The following PLCH1 variants were observed in gnomAD, a reference collection of about 807,000 sequenced individuals.
PLCH1 encodes the protein 1-phosphatidylinositol 4,5-bisphosphate phosphodiesterase eta-1.
Under a neutral mutation model 126.7 loss-of-function variants are expected in PLCH1, and 60 were observed. The ratio of observed to expected loss-of-function variants is 0.47; its 90% CI spans 0.38 to 0.59. The LOEUF (loss-of-function observed/expected upper bound fraction) is 0.59, where lower values mean the gene tolerates loss of function less well. PLCH1 is among the 20% of genes least tolerant of loss of function. PLCH1 has a pLI of 0.00. For synonymous variants in PLCH1, 719 were observed against 734.9 expected (o/e 0.98, Z 0.35); for missense variants, 1,723 against 2,040.0 (o/e 0.84, Z 2.99).
intron 2 of PLCH1, among the ~76,000 whole-genome samples, chr3:155,629,055 G>C (rs566774990): frequency 4.3e-4 from 66 of 152,284 alleles, no homozygotes; most frequent in Non-Finnish European, 8.1e-4. Flanking sequence ...TACTTACTTA[G>C]TTAACTCTGA....
intron 2 of PLCH1, among the ~76,000 whole-genome samples, chr3:155,619,382 T>C (rs1736178402): frequency 6.6e-6 from 1 of 151,708 alleles, no homozygotes; most frequent in African/African-American, 2.4e-5. Context: ...AGGGAGTGCC[T>C]ATTCCATACT....
At chr3:155,739,738 G>C (rs560546447) in intron 1 of PLCH1, among the ~76,000 whole-genome samples, 1 of 152,228 alleles carries the variant, frequency 6.6e-6, no homozygotes, top group African/African-American at 2.4e-5. Flanking sequence ...CAAATTCCAA[G>C]TCTGTTCCAC....
At chr3:155,545,639 A>G (rs1187733596) in intron 10 of PLCH1, among the ~76,000 whole-genome samples, 2 of 152,372 alleles carry the variant, frequency 1.3e-5, no homozygotes, top group South Asian at 2.1e-4. Flanking sequence ...AAAATTCTCA[A>G]TAAAATACTG....
intron 2 of PLCH1, chr3:155,676,352 T>C: frequency 9.4e-7 from 1 of 1,063,840 alleles, no homozygotes; most frequent in Non-Finnish European, 1.1e-6. Context: ...ATGCAGGCGC[T>C]GTGGCTACTT....
chr3:155,529,225 G>C (rs528857210), intron 10 of PLCH1, among the ~76,000 whole-genome samples: 1 of 152,282 alleles, frequency 6.6e-6, no homozygotes, highest in South Asian at 2.1e-4. Context: ...AATATTGCTA[G>C]AGACTGGACT....
chr3:155,571,921 A>G (rs942150198), intron 6 of PLCH1, among the ~76,000 whole-genome samples: 2 of 152,226 alleles, frequency 1.3e-5, no homozygotes, highest in African/African-American at 4.8e-5. Context: ...AATGTTGAAC[A>G]ATGCTGAATC....
chr3:155,563,933 C>G (rs1461912656), intron 8 of PLCH1, among the ~76,000 whole-genome samples: 1 of 152,022 alleles, frequency 6.6e-6, no homozygotes, highest in African/African-American at 2.4e-5. Context: ...GTTTCTCTCT[C>G]TCTGTCTCTC....
intron 2 of PLCH1, among the ~76,000 whole-genome samples, chr3:155,698,955 G>T (rs1028663258): frequency 6.7e-5 from 10 of 148,686 alleles, no homozygotes; most frequent in Non-Finnish European, 8.9e-5. Context: ...TTAAATGAAT[G>T]AAATATATTT....
intron 2 of PLCH1, among the ~76,000 whole-genome samples, chr3:155,669,477 CTAAGG>C (rs1440674686): frequency 5.3e-5 from 8 of 152,108 alleles, no homozygotes; most frequent in Admixed American, 2.0e-4. Context: ...ACTCGAGAGG[CTAAGG>C]TGAGAGGTTC....
intron 18 of PLCH1, among the ~76,000 whole-genome samples, chr3:155,491,096 C>A (rs139276625): frequency 6.6e-6 from 1 of 152,214 alleles, no homozygotes; most frequent in East Asian, 1.9e-4. Flanking sequence ...ACAACTTTAC[C>A]CACTGAACCT....
rs577525330 is a variant in PLCH1 at position 155,666,119 on chromosome 3, A to G, written c.79+38027T>C. On this transcript the variant is annotated intron_variant, in intron 2 of 22. Coordinates refer to ENST00000460012, the MANE Select transcript of PLCH1 (RefSeq NM_014996.4). ...GCTATTACAAAAATTATTGCAATAAACTTACTTATACATTTATCTTCGTGC... is the reference window on the plus strand; with the variant it reads ...GCTATTACAAAAATTATTGCAATAAGCTTACTTATACATTTATCTTCGTGC... Among the ~76,000 whole-genome samples the G allele has an allele frequency of 2.0e-5, 3 of 152,312 alleles. No individual in the cohort carries two copies. The South Asian group carries it at 6.2e-4, about 32-fold the overall frequency.
chr3:155,503,654 T>G (rs1214010424), intron 13 of PLCH1, among the ~76,000 whole-genome samples: 1 of 151,940 alleles, frequency 6.6e-6, no homozygotes, highest in Non-Finnish European at 1.5e-5. Flanking sequence ...TCTCATGCCT[T>G]AGCCTCCTGA....
At chr3:155,518,433 A>G (rs1720641184) in intron 11 of PLCH1, among the ~76,000 whole-genome samples, 1 of 152,148 alleles carries the variant, frequency 6.6e-6, no homozygotes, top group African/African-American at 2.4e-5. Context: ...TGAACCTCCT[A>G]AGACTTCCCA....
At chr3:155,710,012 C>A (rs929703558) in intron 1 of PLCH1, among the ~76,000 whole-genome samples, 2 of 152,100 alleles carry the variant, frequency 1.3e-5, no homozygotes, top group African/African-American at 4.8e-5. Flanking sequence ...TTTTGAGACG[C>A]AGTCTCACTC....
At chr3:155,647,513 G>A (rs1169328321) in intron 2 of PLCH1, among the ~76,000 whole-genome samples, 1 of 151,858 alleles carries the variant, frequency 6.6e-6, no homozygotes, top group Non-Finnish European at 1.5e-5. Flanking sequence ...GATCAACAAA[G>A]CAGCCAAGTT....
intron 2 of PLCH1, among the ~76,000 whole-genome samples, chr3:155,648,308 G>C (rs535755255): frequency 4.6e-5 from 7 of 152,264 alleles, no homozygotes; most frequent in Admixed American, 2.0e-4. Context: ...AAAACAGGCA[G>C]AAGAACCATC....
chr3:155,481,835 T>C lies in PLCH1; in HGVS notation c.4191A>G (p.Arg1397=), dbSNP rs776232585. ...GVVEHFQRGL[R]NGYCKETLRP... The stretch of plus-strand genomic sequence containing the variant: ...GGAGGGTCTCTTTACAGTAGCCGTT[T>C]CTCAAACCTCTTTGAAAGTGTTCTA... The change falls in exon 23 of 23, where the codon AGA becomes AGG. Residue 1397 remains arginine, a synonymous_variant. Coordinates refer to ENST00000460012, the MANE Select transcript of PLCH1 (RefSeq NM_014996.4). This position sits in a 1 kb window ranked among gnomAD's most constrained non-coding sequence, Gnocchi z 4.2. 5 of 1,614,224 alleles carry C rather than the reference T, an allele frequency of 3.1e-6. No homozygotes were observed. Among genetic ancestry groups the C allele is most frequent in the Admixed American group, 1.7e-5 (1 of 60,028 alleles).
chr3:155,616,733 T>C (rs1038617296), intron 2 of PLCH1, among the ~76,000 whole-genome samples: 9 of 152,170 alleles, frequency 5.9e-5, no homozygotes, highest in Admixed American at 6.6e-5. Context: ...TTGGGTCTTG[T>C]TATTTGGAAA....
At chr3:155,585,296 C>G (rs1731214707) in intron 5 of PLCH1, among the ~76,000 whole-genome samples, 2 of 152,178 alleles carry the variant, frequency 1.3e-5, no homozygotes, top group Non-Finnish European at 2.9e-5. Context: ...TCATATTGCC[C>G]TCCTATGCTT....
Sources: gnomAD v4.1 joint callset for allele counts (sites outside exome capture counted in the v4.1 genomes callset) on GRCh38, gnomAD v4.1.1 for gene constraint, Gnocchi (gnomAD v3.1) non-coding constraint, MANE v1.5 for transcripts, NCBI Gene and HGNC (gene_info 2026-07-23, HGNC 2026-07-21) for gene names.